The following SLC27A5 variants were observed in gnomAD, a reference collection of about 807,000 sequenced individuals.
The protein encoded by SLC27A5 is long-chain fatty acid transport protein 5.
In SLC27A5, 47 loss-of-function variants were observed where a neutral mutation model predicts 63.1. That is an observed-to-expected ratio of 0.74 (90% CI 0.59 to 0.95). SLC27A5 has a LOEUF of 0.95. SLC27A5 is among the 40% of genes least tolerant of loss of function. The pLI, the probability that SLC27A5 is intolerant of heterozygous loss-of-function variation, is 0.00. For missense variants in SLC27A5, 940 were observed against 921.0 expected (o/e 1.02, Z -0.27); for synonymous variants, 391 against 403.8 (o/e 0.97, Z 0.38).
intron 2 of SLC27A5, 150 bp from the exon 3 acceptor site, chr19:58,510,155 A>C: frequency 1.4e-6 from 1 of 696,314 alleles, no homozygotes; most frequent in Non-Finnish European, 2.3e-6. Context: ...GGTTGGGTTC[A>C]CAGGCTGAAT....
chr19:58,502,073 AGGTGGATGGATAT>A (rs2053279595), intron 3 of SLC27A5, among the ~76,000 whole-genome samples: 2 of 152,246 alleles, frequency 1.3e-5, no homozygotes, highest in African/African-American at 4.8e-5. Context: ...ATGGGTGGGC[AGGTGGATGGATAT>A]GGTGGATGGA....
chr19:58,511,271 G>C lies in SLC27A5; in HGVS notation c.685C>G (p.Pro229Ala). 1.3e-6 allele frequency: 2 copies of C among 1,541,984 alleles called. No individual in the cohort carries two copies. Among genetic ancestry groups the C allele is most frequent in the Non-Finnish European group, 1.8e-6 (2 of 1,140,318 alleles). ...CCACTGGCTCCAAGGCCCTCACCTG[G>C]GTCCACCACCAGCACCCGGGCCCCA... Reference protein sequence around the residue: ...SSGARVLVVDPDLRESLEEIL... With the variant: ...SSGARVLVVDADLRESLEEIL... The change falls in exon 1 of 10, where the codon CCA becomes GCA. Residue 229 changes from proline to alanine, a missense_variant. Pro to Ala is a conservative substitution (Grantham distance 27). Transcript: ENST00000263093.
At chr19:58,507,952 G>A (rs1273037635) in intron 3 of SLC27A5, 1 of 152,160 alleles carries the variant, frequency 6.6e-6, no homozygotes, top group East Asian at 1.9e-4. Flanking sequence ...TGTTTATCAA[G>A]ACAATATGTG....
rs1173458110 is a variant in SLC27A5 at position 58,501,337 on chromosome 19, T to C, written c.1131A>G (p.Thr377=). 6.2e-7 allele frequency: 1 copy of C among 1,613,832 alleles called. No homozygotes were observed. Among genetic ancestry groups the C allele is most frequent in the African/African-American group, 1.3e-5 (1 of 75,040 alleles). The change falls in exon 4 of 10, where the codon ACA becomes ACG. Residue 377 remains threonine, a synonymous_variant. Coordinates refer to ENST00000263093, the MANE Select transcript of SLC27A5 (RefSeq NM_012254.3). ...GGAGCTCGCCCACATACAGGATCAC[T>C]GTCACGCCATGCTGCCGACAGTCAT... ...FWDDCRQHGV[T]VILYVGELLR... is the part of the protein sequence containing the mutation.
chr19:58,504,191 TACATCATATGATATTAAGG>T (rs1310695634), intron 3 of SLC27A5, among the ~76,000 whole-genome samples: 1 of 152,212 alleles, frequency 6.6e-6, no homozygotes, highest in East Asian at 1.9e-4. Flanking sequence ...ATTAAGGGGT[TACATCATATGATATTAAGG>T]ACATCATATG....
chr19:58,506,798 A>G (rs1034521593), intron 3 of SLC27A5, among the ~76,000 whole-genome samples: 4 of 151,974 alleles, frequency 2.6e-5, no homozygotes, highest in Non-Finnish European at 4.4e-5. Context: ...CAGTACAGAC[A>G]GGGTTTTACC....
At chr19:58,505,848 CAAA>C (rs34890544) in intron 3 of SLC27A5, among the ~76,000 whole-genome samples, 2 of 83,542 alleles carry the variant, frequency 2.4e-5, no homozygotes. Context: ...AACCCCGACT[CAAA>C]AAAAAAAAAA....
intron 3 of SLC27A5, 42 bp downstream of exon 3, chr19:58,509,805 C>T (rs914553190): frequency 6.4e-6 from 10 of 1,566,536 alleles, no homozygotes; most frequent in South Asian, 2.3e-5. Context: ...CACTTACTCC[C>T]GTGGTCCTGT....
At position 58,499,200 on chromosome 19, in the gene SLC27A5, G is replaced by T; in HGVS notation, c.1688C>A (p.Ser563Tyr). The change falls in exon 8 of 10, where the codon TCC (serine) becomes TAC (tyrosine). Residue 563 changes from serine (S) to tyrosine (Y), a missense_variant. By Grantham distance (144) the Ser-to-Tyr change is moderately radical. Coordinates refer to ENST00000263093, the MANE Select transcript of SLC27A5 (RefSeq NM_012254.3). ...CAACACGCCCTCCACCTCGTGCGTG[G>T]ACACGTTCTCGCCCTTCCATCTGCA... Reference protein sequence around the residue: ...DTFRWKGENVSTHEVEGVLSQ... With the variant: ...DTFRWKGENVYTHEVEGVLSQ... 6.2e-7 allele frequency: 1 copy of T among 1,613,852 alleles called. No individual in the cohort carries two copies. Among genetic ancestry groups the T allele is most frequent in the Non-Finnish European group, 8.5e-7 (1 of 1,180,008 alleles).
chr19:58,500,963 T>A lies in SLC27A5; in HGVS notation c.1183-257A>T, dbSNP rs150536365. Reference sequence around the variant, plus strand: ...ACCAGAGGTGACTGGAGGCCTCATCTGGGGTCTCACCTAAGAGTAGTTACC... The same window carrying A: ...ACCAGAGGTGACTGGAGGCCTCATCAGGGGTCTCACCTAAGAGTAGTTACC... On this transcript the variant is annotated intron_variant, in intron 4 of 9. Coordinates refer to ENST00000263093, the MANE Select transcript of SLC27A5 (RefSeq NM_012254.3). 1,536 of 1,355,704 alleles carry A rather than the reference T, an allele frequency of 1.1e-3. 12 individuals are homozygous for A. The African/African-American group carries it at 0.017, about 15-fold the overall frequency. 84.0% of individuals were successfully genotyped at this position (1,355,704 alleles called of 1,614,324 possible).
intron 2 of SLC27A5, 151 bp from the exon 3 acceptor site, chr19:58,510,156 C>T: frequency 2.9e-6 from 2 of 687,870 alleles, no homozygotes; most frequent in South Asian, 2.3e-5. Context: ...GTTGGGTTCA[C>T]AGGCTGAATT....
At chr19:58,499,468 G>T (rs2053247657) in intron 7 of SLC27A5, 24 bp downstream of exon 7, 2 of 1,610,838 alleles carry the variant, frequency 1.2e-6, no homozygotes. Context: ...CGCCAGCCCC[G>T]CCCCGAGAAA....
At position 58,510,947 on chromosome 19, in the gene SLC27A5, G is replaced by C. The variant is rs1408523555; in HGVS notation, c.689-17C>G. The C allele has an allele frequency of 1.3e-6, 2 of 1,558,950 alleles. No homozygotes were observed. The highest frequency in any genetic ancestry group is 2.7e-5 in the African/African-American group (2 of 73,776). On this transcript the variant is annotated splice_polypyrimidine_tract_variant and intron_variant, in intron 1 of 9. Transcript: ENST00000263093. Reference sequence around the variant, plus strand: ...CCCGGAGGTCTGCAGAGATGGGTCAGAGGAGAAACAGAGGCAAGGCTCACC... The same window carrying C: ...CCCGGAGGTCTGCAGAGATGGGTCACAGGAGAAACAGAGGCAAGGCTCACC...
Position 58,501,492 on chromosome 19 carries a change from AC to A in SLC27A5, c.1058-83del, listed in dbSNP as rs2053273780. ...CTGCTTTTAGCACCTGTGCTCACCCACCCCCACACCCTGAAATACAGGACAA... is the reference window on the plus strand; with the variant it reads ...CTGCTTTTAGCACCTGTGCTCACCCACCCCACACCCTGAAATACAGGACAA... On this transcript the variant is annotated intron_variant, in intron 3 of 9. Coordinates refer to ENST00000263093, the MANE Select transcript of SLC27A5 (RefSeq NM_012254.3). 2.1e-6 allele frequency: 3 copies of A among 1,450,198 alleles called. No homozygotes were observed. The East Asian group carries it at 7.0e-5, about 34-fold the overall frequency. 89.8% of individuals were successfully genotyped at this position (1,450,198 alleles called of 1,614,324 possible).
At chr19:58,510,600 C>A (rs2053398726) in intron 2 of SLC27A5, 121 bp downstream of exon 2, 9 of 881,834 alleles carry the variant, frequency 1.0e-5, no homozygotes, top group Non-Finnish European at 1.5e-5. Context: ...AAACAAAAAA[C>A]AAATGTCAAA....
intron 2 of SLC27A5, chr19:58,510,256 T>C (rs766524517): frequency 3.7e-5 from 17 of 461,632 alleles, no homozygotes; most frequent in Middle Eastern, 5.7e-4. Context: ...TCAAATTACA[T>C]TGGGGGTCAG....
In SLC27A5 at chr19:58,498,404, G is replaced by T; in HGVS notation, c.*111C>A. On this transcript the variant is annotated 3_prime_UTR_variant, in exon 10 of 10. Transcript: ENST00000263093. ...CTGTCATTTCCAGCCCACTGAGGTT[G>T]AGGGTATGGCCAGGCTGGGATTCAC... 2 of 1,116,368 alleles carry T rather than the reference G, an allele frequency of 1.8e-6. No homozygotes were observed. The highest frequency in any genetic ancestry group is 1.6e-5 in the African/African-American group (1 of 63,924). The allele number at this position is 1,116,368 out of a possible 1,614,324, so 69.2% of individuals were successfully genotyped here.
chr19:58,507,933 T>C (rs2053365528), intron 3 of SLC27A5: 1 of 152,112 alleles, frequency 6.6e-6, no homozygotes. Flanking sequence ...TGTTTTCTGT[T>C]GTTTAAGATG....
At chr19:58,509,248 TG>T (rs2053382863) in intron 3 of SLC27A5, 1 of 150,684 alleles carries the variant, frequency 6.6e-6, no homozygotes, top group Admixed American at 6.6e-5. Context: ...TAGCCGGGCG[TG>T]GTGGTGGGCG....
Sources: allele counts gnomAD v4.1 joint callset (sites outside exome capture counted in the v4.1 genomes callset), GRCh38; gene constraint gnomAD v4.1.1; transcripts MANE v1.5; gene names NCBI Gene and HGNC (gene_info 2026-07-23, HGNC 2026-07-21).